DLGAP2: variants seen among roughly 807,000 people sequenced by gnomAD.
The protein encoded by DLGAP2 is disks large-associated protein 2.
In DLGAP2, 26 loss-of-function variants were observed where a neutral mutation model predicts 100.3. The ratio of observed to expected loss-of-function variants is 0.26; its 90% confidence interval spans 0.19 to 0.36. The LOEUF (loss-of-function observed/expected upper bound fraction) is 0.36. Ranked by LOEUF, DLGAP2 falls within the 10% of genes least tolerant of loss-of-function variation. DLGAP2 has a pLI of 1.00. For missense variants in DLGAP2, 1,858 were observed against 1,453.2 expected, an observed-to-expected ratio of 1.28 and a Z score of -4.53; for synonymous variants, 886 against 630.1, an observed-to-expected ratio of 1.41 and a Z score of -6.08.
chr8:744,208 C>T (rs979914229), intron 1 of DLGAP2, among the ~76,000 whole-genome samples: 1 of 152,162 alleles, frequency 6.6e-6, no homozygotes, highest in Non-Finnish European at 1.5e-5. Context: ...TTAGAGGCAG[C>T]GTCTCCTCTC....
At chr8:938,923 C>T (rs1480285187) in intron 2 of DLGAP2, among the ~76,000 whole-genome samples, 3 of 152,208 alleles carry the variant, frequency 2.0e-5, no homozygotes, top group African/African-American at 7.2e-5. Context: ...AGGATGAGAC[C>T]AAGGTATGAG....
chr8:1,659,117 G>T (rs1329201438), intron 8 of DLGAP2, among the ~76,000 whole-genome samples: 1 of 152,170 alleles, frequency 6.6e-6, no homozygotes, highest in Non-Finnish European at 1.5e-5. Flanking sequence ...TCATTCAGGA[G>T]CAGATTGTTC....
chr8:1,446,867 G>T (rs1330958702), intron 3 of DLGAP2, among the ~76,000 whole-genome samples: 1 of 152,130 alleles, frequency 6.6e-6, no homozygotes, highest in Non-Finnish European at 1.5e-5. Flanking sequence ...ATGAATGGGA[G>T]TTCACTCATG....
At chr8:858,941 T>A (rs1797337465) in intron 1 of DLGAP2, among the ~76,000 whole-genome samples, 2 of 152,102 alleles carry the variant, frequency 1.3e-5, no homozygotes, top group Non-Finnish European at 2.9e-5. Flanking sequence ...CATAAGCTGT[T>A]AATGGTGGGG....
At chr8:1,565,967 TCAC>T (rs1280750716) in intron 6 of DLGAP2, 73 bp downstream of exon 6, 1 of 1,343,720 alleles carries the variant, frequency 7.4e-7, no homozygotes, top group Non-Finnish European at 1.0e-6. Context: ...CAAAACCACT[TCAC>T]CGTGAGCTGA....
chr8:931,419 G>A (rs1798953861), intron 2 of DLGAP2, among the ~76,000 whole-genome samples: 1 of 152,234 alleles, frequency 6.6e-6, no homozygotes, highest in Admixed American at 6.5e-5. Flanking sequence ...TCAGGAACAT[G>A]TTCTAGAAAA....
chr8:1,165,904 G>C (rs1392575649), intron 2 of DLGAP2, among the ~76,000 whole-genome samples: 1 of 151,464 alleles, frequency 6.6e-6, no homozygotes, highest in South Asian at 2.1e-4. Flanking sequence ...CCACTTTTAA[G>C]ATAATAACAG....
intron 3 of DLGAP2, among the ~76,000 whole-genome samples, chr8:1,430,352 C>T (rs1035341347): frequency 6.6e-6 from 1 of 152,056 alleles, no homozygotes; most frequent in Admixed American, 6.6e-5. Context: ...GGAACTTAGC[C>T]ACATTTACGT....
At chr8:989,312 G>A (rs1254698032) in intron 2 of DLGAP2, among the ~76,000 whole-genome samples, 2 of 152,060 alleles carry the variant, frequency 1.3e-5, no homozygotes, top group Admixed American at 6.5e-5. Flanking sequence ...ATCAGTGGAC[G>A]GCTGCTCTCC....
intron 1 of DLGAP2, among the ~76,000 whole-genome samples, chr8:793,118 T>G (rs935973562): frequency 6.6e-6 from 1 of 152,226 alleles, no homozygotes; most frequent in African/African-American, 2.4e-5. Context: ...TCCCATGCCT[T>G]CCTTGTTAAT....
intron 1 of DLGAP2, among the ~76,000 whole-genome samples, chr8:771,314 G>T (rs1821353307): frequency 6.6e-6 from 1 of 152,224 alleles, no homozygotes; most frequent in Non-Finnish European, 1.5e-5. Context: ...TTTGTAAAAG[G>T]ATCGAGGGAC....
At chr8:984,682 C>T (rs965274868) in intron 2 of DLGAP2, among the ~76,000 whole-genome samples, 3 of 152,240 alleles carry the variant, frequency 2.0e-5, no homozygotes, top group African/African-American at 7.2e-5. Flanking sequence ...CACTTAAAGA[C>T]AGGACGTGAT....
intron 2 of DLGAP2, among the ~76,000 whole-genome samples, chr8:1,181,709 G>C (rs988696012): frequency 6.6e-6 from 1 of 152,094 alleles, no homozygotes; most frequent in Non-Finnish European, 1.5e-5. Context: ...ATGAACAAAC[G>C]ATGGGAAGAA....
chr8:1,636,337 G>A (rs1289425316), intron 8 of DLGAP2, among the ~76,000 whole-genome samples: 1 of 152,090 alleles, frequency 6.6e-6, no homozygotes, highest in East Asian at 1.9e-4. Flanking sequence ...TAGAAAGCAT[G>A]GCAGAGGAAA....
chr8:1,030,535 G>T (rs1801943662), intron 2 of DLGAP2, among the ~76,000 whole-genome samples: 1 of 152,108 alleles, frequency 6.6e-6, no homozygotes, highest in Admixed American at 6.5e-5. Flanking sequence ...ATTGGGAAGA[G>T]GTGTTAGTTT....
chr8:1,431,000 G>A (rs2129988376), intron 3 of DLGAP2, among the ~76,000 whole-genome samples: 2 of 152,296 alleles, frequency 1.3e-5, no homozygotes, highest in South Asian at 4.1e-4. Flanking sequence ...ACAAGATGAG[G>A]CTAGCACTCA....
At position 1,068,747 on chromosome 8, in the gene DLGAP2, G is replaced by A. The variant is rs530379243; in HGVS notation, c.73+160781G>A. On this transcript the variant is annotated intron_variant, in intron 2 of 14. Transcript: ENST00000637795. ...AGGGGCTCAGCGCATGTGGGTCCGG[G>A]ATATGCCTGGGGTCATGGGCCCCTC... Among the ~76,000 whole-genome samples the A allele has an allele frequency of 2.0e-5, 3 of 152,294 alleles. No individual in the cohort carries two copies. The South Asian group carries it at 6.2e-4, about 32-fold the overall frequency.
chr8:1,519,611 C>T (rs1415253213), intron 4 of DLGAP2, among the ~76,000 whole-genome samples: 13 of 152,258 alleles, frequency 8.5e-5, no homozygotes, highest in Non-Finnish European at 2.9e-5. Flanking sequence ...TCTCCCCATG[C>T]ACCTTCCCCA....
At chr8:1,478,009 G>T (rs1798983496) in intron 3 of DLGAP2, among the ~76,000 whole-genome samples, 1 of 152,158 alleles carries the variant, frequency 6.6e-6, no homozygotes, top group Non-Finnish European at 1.5e-5. Flanking sequence ...CTGTTCGTAG[G>T]GTTTAATTTA....
Sources: allele counts gnomAD v4.1 joint callset (sites outside exome capture counted in the v4.1 genomes callset), GRCh38; gene constraint gnomAD v4.1.1; transcripts MANE v1.5; gene names NCBI Gene and HGNC (gene_info 2026-07-23, HGNC 2026-07-21).